Variants in USP10 observed in about 807,000 individuals in gnomAD.
USP10 encodes the protein ubiquitin carboxyl-terminal hydrolase 10.
Under a neutral mutation model 84.5 loss-of-function variants are expected in USP10, and 22 were observed. The ratio of observed to expected loss-of-function variants is 0.26; its 90% CI spans 0.19 to 0.37. The LOEUF is 0.37. Among genes scored for constraint, USP10 ranks in the 10% least tolerant of loss-of-function variants. The pLI is 1.00. For missense variants in USP10, 1,019 were observed against 998.9 expected, an observed-to-expected ratio of 1.02 and a Z score of -0.27; for synonymous variants, 454 against 387.6, an observed-to-expected ratio of 1.17 and a Z score of -2.01.
At position 84,745,079 on chromosome 16, in the gene USP10, A is replaced by G. The variant is rs1862792; in HGVS notation, c.598A>G (p.Met200Val). 0.23 allele frequency: 375,109 copies of G among 1,613,454 alleles called. 44,015 individuals carry two copies. Among genetic ancestry groups the G allele is most frequent in the Admixed American group, 0.27 (16,375 of 59,988 alleles). The stretch of plus-strand genomic sequence containing the variant: ...AGAGGATGCAGAATTTATGGGTGAC[A>G]TGCCCCCGTCAGTTACGCCCAGGAC... ...SAEDAEFMGD[M>V]PPSVTPRTCN... Residue 200 changes from methionine to valine, a missense_variant, in exon 4 of 14, where the codon ATG becomes GTG. Physicochemically the swap from Met to Val is conservative, Grantham distance 21. Coordinates refer to ENST00000219473, the MANE Select transcript of USP10 (RefSeq NM_005153.3).
rs1363071427 is a variant in USP10 at position 84,754,074 on chromosome 16, G to T, written c.1193-4642G>T. On this transcript the variant is annotated intron_variant, in intron 4 of 13. Coordinates refer to ENST00000219473, the MANE Select transcript of USP10 (RefSeq NM_005153.3). ...GTGCGGACTTTGTTGAGCAGTTGAA[G>T]TGTGAGAGTCTTGTCTTTAAGGAGC... Among the ~76,000 whole-genome samples the T allele has an allele frequency of 2.0e-5, 3 of 152,290 alleles. No individual in the cohort carries two copies. The South Asian group carries it at 6.2e-4, about 32-fold the overall frequency.
chr16:84,705,715 C>CTTGT (rs1905397711), intron 1 of USP10, among the ~76,000 whole-genome samples: 1 of 71,282 alleles, frequency 1.4e-5, no homozygotes, highest in African/African-American at 6.6e-5. Flanking sequence ...CCCTTGCTTG[C>CTTGT]TTTTTTTTTT....
intron 4 of USP10, among the ~76,000 whole-genome samples, chr16:84,747,498 A>G (rs923067329): frequency 9.3e-5 from 14 of 151,320 alleles, no homozygotes; most frequent in Non-Finnish European, 2.1e-4. Flanking sequence ...AAATGAGCAA[A>G]TGATAGGCCA....
At chr16:84,763,980 C>T (rs1206470568) in intron 9 of USP10, 106 bp from the exon 10 acceptor site, 1 of 1,396,050 alleles carries the variant, frequency 7.2e-7, no homozygotes, top group South Asian at 1.5e-5. Context: ...TAATGTAGAC[C>T]ACACCCTGAT....
chr16:84,778,369 C>T (rs1344192399), intron 13 of USP10, among the ~76,000 whole-genome samples: 1 of 152,102 alleles, frequency 6.6e-6, no homozygotes, highest in African/African-American at 2.4e-5. Flanking sequence ...TCCCGCATCA[C>T]CATTCTTAAT....
intron 1 of USP10, among the ~76,000 whole-genome samples, chr16:84,729,230 C>T (rs8048989): frequency 0.55 from 83,942 of 152,126 alleles, 23,780 homozygotes; most frequent in Non-Finnish European, 0.63. Context: ...ATTATTTTAT[C>T]ACATCATTCA....
At chr16:84,709,232 C>G (rs1165979164) in intron 1 of USP10, 1 of 152,126 alleles carries the variant, frequency 6.6e-6, no homozygotes, top group Non-Finnish European at 1.5e-5. Flanking sequence ...AGATGTTTCC[C>G]AAAGGAAGGG....
At position 84,719,814 on chromosome 16, in the gene USP10, G is replaced by A. The variant is rs917748791; in HGVS notation, c.22-13621G>A. Among the ~76,000 whole-genome samples the A allele has an allele frequency of 1.2e-4, 19 of 152,350 alleles. 1 individual carries two copies. The highest frequency in any genetic ancestry group is 1.9e-4 in the Non-Finnish European group (13 of 68,032). ...ATTAGGATTTTTGCTGGTAAAGCAA[G>A]CTATACTTGCATAATTTAAATCTTT... On this transcript the variant is annotated intron_variant, in intron 1 of 13. Transcript: ENST00000219473.
At chr16:84,716,722 G>A (rs1047681317) in intron 1 of USP10, among the ~76,000 whole-genome samples, 3 of 152,118 alleles carry the variant, frequency 2.0e-5, no homozygotes, top group South Asian at 2.1e-4. Context: ...TTAGGTGCAC[G>A]ACCTTCGGCA....
intron 1 of USP10, chr16:84,732,358 G>A (rs2150798556): frequency 2.7e-6 from 1 of 365,242 alleles, no homozygotes; most frequent in Admixed American, 3.7e-5. Flanking sequence ...GCATTTGTAG[G>A]TTCTAAATAA....
chr16:84,700,258 A>T, intron 1 of USP10, 147 bp downstream of exon 1: 1 of 643,166 alleles, frequency 1.6e-6, no homozygotes, highest in Non-Finnish European at 2.0e-6. Context: ...CCTAGGCCGG[A>T]GCCACCCGCC....
rs184344995 is a variant in USP10 at position 84,741,906 on chromosome 16, G to T, written c.151+1537G>T. ...TTTCTCTGTGTCTGTCACTGCGCCT[G>T]TAGTATCTGGAATGTTGTAAGCCCT... On this transcript the variant is annotated intron_variant, in intron 3 of 13. Transcript: ENST00000219473. Among the ~76,000 whole-genome samples, 167 of 152,288 alleles carry T rather than the reference G, an allele frequency of 1.1e-3. 2 individuals carry two copies. Among genetic ancestry groups the T allele is most frequent in the Admixed American group, 0.01 (156 of 15,310 alleles).
intron 4 of USP10, among the ~76,000 whole-genome samples, chr16:84,748,881 G>T (rs1279000982): frequency 2.0e-5 from 3 of 152,156 alleles, no homozygotes; most frequent in African/African-American, 4.8e-5. Flanking sequence ...CACAGTCCAC[G>T]TAATTATTTT....
At chr16:84,739,414 G>A (rs1219544953) in intron 2 of USP10, among the ~76,000 whole-genome samples, 1 of 152,138 alleles carries the variant, frequency 6.6e-6, no homozygotes, top group African/African-American at 2.4e-5. Context: ...TGGGATTACA[G>A]GTGCCTGCCA....
intron 13 of USP10, among the ~76,000 whole-genome samples, chr16:84,776,512 G>T (rs1915040178): frequency 6.6e-6 from 1 of 152,230 alleles, no homozygotes; most frequent in Non-Finnish European, 1.5e-5. Flanking sequence ...CTCCAGCCCT[G>T]TCTGGAATGG....
chr16:84,719,534 G>C (rs16974437), intron 1 of USP10, among the ~76,000 whole-genome samples: 7,111 of 152,320 alleles, frequency 0.047, 275 homozygotes, highest in East Asian at 0.22. Context: ...GGCCAGGTTC[G>C]AGGACTGTTG....
intron 5 of USP10, 32 bp downstream of exon 5, chr16:84,758,839 G>T (rs774556143): frequency 6.7e-7 from 1 of 1,486,488 alleles, no homozygotes; most frequent in Non-Finnish European, 9.4e-7. Flanking sequence ...CGCAAGGCCA[G>T]CTTGTTGCAG....
chr16:84,746,681 G>A (rs1227029633), intron 4 of USP10, among the ~76,000 whole-genome samples: 1 of 152,196 alleles, frequency 6.6e-6, no homozygotes, highest in Non-Finnish European at 1.5e-5. Flanking sequence ...AGTGCTGAGT[G>A]AATGTGAAGG....
chr16:84,767,235 C>T (rs763132081), intron 10 of USP10, among the ~76,000 whole-genome samples: 3 of 151,666 alleles, frequency 2.0e-5, no homozygotes, highest in Non-Finnish European at 4.4e-5. Flanking sequence ...ACCGAGACTG[C>T]AGAAATAGAA....
Sources: allele counts gnomAD v4.1 joint callset (sites outside exome capture counted in the v4.1 genomes callset), GRCh38; gene constraint gnomAD v4.1.1; transcripts MANE v1.5; gene names NCBI Gene and HGNC (gene_info 2026-07-23, HGNC 2026-07-21).